The following TP53BP1 variants were observed in gnomAD, a reference collection of about 807,000 sequenced individuals.
TP53BP1 encodes the protein tumor protein p53 binding protein 1, also known as TP53-binding protein 1.
In TP53BP1, 61 loss-of-function variants were observed where a neutral mutation model predicts 200.8. That is an observed-to-expected ratio of 0.30 (90% CI 0.25 to 0.38). The LOEUF (loss-of-function observed/expected upper bound fraction) is 0.38, where lower values mean the gene tolerates loss of function less well. Among genes scored for constraint, TP53BP1 ranks in the 10% least tolerant of loss-of-function variants. The pLI is 1.00. For missense variants in TP53BP1, 2,144 were observed against 2,371.9 expected, an observed-to-expected ratio of 0.90 and a Z score of 2.00; for synonymous variants, 822 against 844.3, an observed-to-expected ratio of 0.97 and a Z score of 0.46.
chr15:43,413,856 T>C (rs1025090409), intron 23 of TP53BP1, among the ~76,000 whole-genome samples: 2 of 151,760 alleles, frequency 1.3e-5, no homozygotes, highest in Non-Finnish European at 2.9e-5. Flanking sequence ...TCCCACCCCA[T>C]CACTGACCGT....
chr15:43,507,994 T>C lies in TP53BP1; in HGVS notation c.-9+2376A>G, dbSNP rs184183276. On this transcript the variant is annotated intron_variant, in intron 1 of 27. Transcript: ENST00000263801. ...TCTCCCAAACAGCTGGGATTACAGA[T>C]GTGAGCCACCACTCCTGTCCAGTTT... 4.5e-3 allele frequency among the ~76,000 whole-genome samples: 682 copies of C among 152,312 alleles called. 4 individuals carry two copies. The highest frequency in any genetic ancestry group is 6.9e-3 in the Non-Finnish European group (471 of 68,028).
chr15:43,493,269 A>G, upstream of TP53BP1: 1 of 1,394,608 alleles, frequency 7.2e-7, no homozygotes, highest in South Asian at 1.5e-5. Flanking sequence ...TGCCCCACGT[A>G]AGAAAAAGGA....
chr15:43,424,745 T>G (rs537152386), intron 18 of TP53BP1, among the ~76,000 whole-genome samples: 1 of 152,338 alleles, frequency 6.6e-6, no homozygotes, highest in Non-Finnish European at 1.5e-5. Context: ...ACTTTTAATA[T>G]GGTAATATGT....
chr15:43,403,903 T>A lies in TP53BP1; in HGVS notation c.*3480A>T, dbSNP rs1303688092. 8 of 768,554 alleles carry A rather than the reference T, an allele frequency of 1.0e-5. No homozygotes were observed. The highest frequency in any genetic ancestry group is 1.6e-5 in the Non-Finnish European group (7 of 439,540). The allele number at this position is 768,554 out of a possible 1,614,324, so 47.6% of individuals were successfully genotyped here. Reference sequence around the variant, plus strand: ...CTGAGTCAGTAAAGCATTTCCTCAATACACACACGTACAGAGATAAGATAC... The same window carrying A: ...CTGAGTCAGTAAAGCATTTCCTCAAAACACACACGTACAGAGATAAGATAC... On this transcript the variant is annotated 3_prime_UTR_variant, in exon 28 of 28. Transcript: ENST00000382044.
At chr15:43,434,152 A>C (rs2045736521) in intron 16 of TP53BP1, among the ~76,000 whole-genome samples, 1 of 152,190 alleles carries the variant, frequency 6.6e-6, no homozygotes, top group Non-Finnish European at 1.5e-5. Context: ...ATATGGTCCA[A>C]TGAAGAAGAA....
At chr15:43,505,119 T>C (rs2079229402) in intron 1 of TP53BP1, among the ~76,000 whole-genome samples, 1 of 152,188 alleles carries the variant, frequency 6.6e-6, no homozygotes, top group African/African-American at 2.4e-5. Context: ...GAAGGATCTT[T>C]GAGAAGGAAC....
At chr15:43,440,728 A>G (rs1258547059) in intron 15 of TP53BP1, among the ~76,000 whole-genome samples, 3 of 151,782 alleles carry the variant, frequency 2.0e-5, no homozygotes, top group African/African-American at 7.3e-5. Flanking sequence ...ATCTCTACAA[A>G]AAATACAAAA....
In TP53BP1 at chr15:43,492,256, A is replaced by T. The variant is rs1476526556; in HGVS notation, c.192+28T>A. On this transcript the variant is annotated intron_variant, in intron 2 of 27. Transcript: ENST00000382044. ...TCGGTTTAAAAAAAAAAATCTGCTCAATCTTCTTCAAACAAGGTATCACTC... is the reference window on the plus strand; with the variant it reads ...TCGGTTTAAAAAAAAAAATCTGCTCTATCTTCTTCAAACAAGGTATCACTC... 3 of 1,591,266 alleles carry T rather than the reference A, an allele frequency of 1.9e-6. No homozygotes were observed. In the African/African-American group the frequency reaches 4.1e-5, roughly 22 times the overall value.
At chr15:43,497,591 T>G (rs1474325005), upstream of TP53BP1, 1 of 250,812 alleles carries the variant, frequency 4.0e-6, no homozygotes, top group Non-Finnish European at 6.3e-6. Flanking sequence ...AGATGAACCT[T>G]GAAAACATTA....
At position 43,456,787 on chromosome 15, in the gene TP53BP1, A is replaced by G. The variant is rs2046308652; in HGVS notation, c.1821T>C (p.Thr607=). 1 of 1,614,070 alleles carries G rather than the reference A, an allele frequency of 6.2e-7. No individual in the cohort carries two copies. The highest frequency in any genetic ancestry group is 1.3e-5 in the African/African-American group (1 of 75,050). ...DTRDDISILA[T]GCKGREETVA... ...CCGTTTCTTCTCTGCCCTTGCAACC[A>G]GTGGCTAAAATACTAATGTCATCCC... The change falls in exon 12 of 28, where the codon ACT becomes ACC. Residue 607 remains threonine (T), a synonymous_variant. Transcript: ENST00000382044.
chr15:43,408,261 T>C, intron 26 of TP53BP1, 173 bp from the exon 27 acceptor site: 1 of 653,828 alleles, frequency 1.5e-6, no homozygotes, highest in East Asian at 3.0e-5. Context: ...TTGGATCTCT[T>C]GGGCCTGGGA....
At chr15:43,425,782 A>G (rs1198612202) in intron 18 of TP53BP1, among the ~76,000 whole-genome samples, 1 of 152,250 alleles carries the variant, frequency 6.6e-6, no homozygotes, top group East Asian at 1.9e-4. Context: ...ATAACATGAA[A>G]AAAGTTCCAC....
chr15:43,495,288 A>G (rs2079175062), upstream of TP53BP1, among the ~76,000 whole-genome samples: 1 of 151,894 alleles, frequency 6.6e-6, no homozygotes. Flanking sequence ...TCATGAGGTC[A>G]GGAGATCGAG....
At chr15:43,478,837 T>G (rs2078920339) in intron 7 of TP53BP1, among the ~76,000 whole-genome samples, 1 of 152,192 alleles carries the variant, frequency 6.6e-6, no homozygotes, top group Non-Finnish European at 1.5e-5. Flanking sequence ...AGACAAGCAG[T>G]GTCTCTGTAG....
intron 4 of TP53BP1, among the ~76,000 whole-genome samples, chr15:43,486,306 G>C (rs1033649236): frequency 1.3e-5 from 2 of 152,166 alleles, no homozygotes; most frequent in African/African-American, 4.8e-5. Context: ...AACCCAGGAG[G>C]CGGAGGTTGC....
intron 1 of TP53BP1, among the ~76,000 whole-genome samples, chr15:43,499,125 G>A (rs1421084906): frequency 6.6e-6 from 1 of 152,038 alleles, no homozygotes; most frequent in Non-Finnish European, 1.5e-5. Context: ...AAGAATATAA[G>A]AGAAGACTTC....
chr15:43,508,177 T>G (rs1414690892), intron 1 of TP53BP1, among the ~76,000 whole-genome samples: 1 of 152,112 alleles, frequency 6.6e-6, no homozygotes, highest in African/African-American at 2.4e-5. Context: ...ATGGCCAACA[T>G]GGTGAAACCC....
intron 1 of TP53BP1, among the ~76,000 whole-genome samples, chr15:43,503,434 G>C (rs2079220025): frequency 6.6e-6 from 1 of 152,198 alleles, no homozygotes; most frequent in Non-Finnish European, 1.5e-5. Context: ...GAGGCAGGTG[G>C]ATTACCTGAT....
chr15:43,504,123 C>A (rs1472649277), intron 1 of TP53BP1, among the ~76,000 whole-genome samples: 1 of 152,058 alleles, frequency 6.6e-6, no homozygotes, highest in Non-Finnish European at 1.5e-5. Flanking sequence ...CCCTCCTCAT[C>A]TCTACAAATC....
Sources: allele counts gnomAD v4.1 joint callset (sites outside exome capture counted in the v4.1 genomes callset), GRCh38; gene constraint gnomAD v4.1.1; transcripts MANE v1.5; gene names NCBI Gene and HGNC (gene_info 2026-07-23, HGNC 2026-07-21).